Variants in CPEB4 observed in about 807,000 individuals in gnomAD.
The protein encoded by CPEB4 is cytoplasmic polyadenylation element binding protein 4, also known as cytoplasmic polyadenylation element-binding protein 4.
Under a neutral mutation model 72.5 loss-of-function variants are expected in CPEB4, and 12 were observed. That is an observed-to-expected ratio of 0.17 (90% CI 0.11 to 0.27). The LOEUF is 0.27. Ranked by LOEUF, CPEB4 falls within the 10% of genes least tolerant of loss-of-function variation. The probability of loss-of-function intolerance (pLI) is 1.00; values close to 1 mark genes in which losing one functional copy is unlikely to be tolerated. For missense variants in CPEB4, 614 were observed against 908.5 expected (o/e 0.68, Z 4.17); for synonymous variants, 302 against 326.3 (o/e 0.93, Z 0.80).
At chr5:173,944,864 A>G in intron 4 of CPEB4, 103 bp from the exon 5 acceptor site, 1 of 972,700 alleles carries the variant, frequency 1.0e-6, no homozygotes, top group Non-Finnish European at 1.6e-6. Flanking sequence ...AGAAAAATAA[A>G]AGCAGCAGTT....
rs778803889 is a variant in CPEB4, at chr5:173,949,483, A to G, written c.1457-25A>G. 6.1e-6 allele frequency: 9 copies of G among 1,485,238 alleles called. No individual in the cohort carries two copies. In the South Asian group the frequency reaches 1.1e-4, roughly 18 times the overall value. The allele number at this position is 1,485,238 out of a possible 1,614,324, so 92.0% of individuals were successfully genotyped here. ...AATGATCATAAAAATATTTAAATCT[A>G]CTGTTTTCCTTTGTTGTTTATTAGA... On this transcript the variant is annotated intron_variant, in intron 5 of 9. Transcript: ENST00000265085.
At chr5:173,953,728 T>C (rs927773788) in intron 9 of CPEB4, among the ~76,000 whole-genome samples, 1 of 21,828 alleles carries the variant, frequency 4.6e-5, no homozygotes, top group Non-Finnish European at 1.9e-4. Flanking sequence ...ACAGATTTCT[T>C]TTTTTTTTTT....
At chr5:173,924,015 G>A (rs1190410036) in intron 2 of CPEB4, among the ~76,000 whole-genome samples, 1 of 152,094 alleles carries the variant, frequency 6.6e-6, no homozygotes, top group Non-Finnish European at 1.5e-5. Flanking sequence ...GAAATTCTTA[G>A]ATGCTTTTAG....
chr5:173,930,368 A>C (rs1375395431), intron 2 of CPEB4, among the ~76,000 whole-genome samples: 1 of 152,060 alleles, frequency 6.6e-6, no homozygotes, highest in African/African-American at 2.4e-5. Context: ...CCATCCCCCA[A>C]GTTTTTAACA....
intron 3 of CPEB4, among the ~76,000 whole-genome samples, chr5:173,938,870 A>G (rs1158381970): frequency 2.6e-5 from 4 of 152,244 alleles, no homozygotes; most frequent in Non-Finnish European, 5.9e-5. Flanking sequence ...AAATATAGCA[A>G]TATAGCATAT....
intron 1 of CPEB4, among the ~76,000 whole-genome samples, chr5:173,894,586 A>C (rs895535907): frequency 6.9e-6 from 1 of 145,060 alleles, no homozygotes; most frequent in Admixed American, 7.1e-5. Flanking sequence ...ATGCCACTGC[A>C]CCCTAGCCTG....
At chr5:173,938,416 G>C (rs1375247582) in intron 3 of CPEB4, among the ~76,000 whole-genome samples, 3 of 152,128 alleles carry the variant, frequency 2.0e-5, no homozygotes, top group African/African-American at 7.2e-5. Context: ...AGTATAGACA[G>C]GGTTTTACCA....
chr5:173,906,779 ATTTCT>A (rs1441504627), intron 1 of CPEB4, among the ~76,000 whole-genome samples: 1 of 152,210 alleles, frequency 6.6e-6, no homozygotes, highest in Admixed American at 6.5e-5. Context: ...AGGGTGGAGA[ATTTCT>A]TTTCATTTCA....
At chr5:173,948,173 A>G (rs933408218) in intron 5 of CPEB4, among the ~76,000 whole-genome samples, 1 of 152,210 alleles carries the variant, frequency 6.6e-6, no homozygotes, top group East Asian at 1.9e-4. Context: ...ACTAACTAAT[A>G]TATGTAGAAG....
intron 2 of CPEB4, 32 bp downstream of exon 2, chr5:173,910,636 G>C (rs1225404930): frequency 1.5e-6 from 2 of 1,343,470 alleles, no homozygotes; most frequent in Non-Finnish European, 2.1e-6. Flanking sequence ...ATTGATTTCA[G>C]ACAATAGTTT....
At chr5:173,947,380 G>A (rs1234785744) in intron 5 of CPEB4, among the ~76,000 whole-genome samples, 2 of 152,102 alleles carry the variant, frequency 1.3e-5, no homozygotes, top group East Asian at 1.9e-4. Context: ...CAAGTGGAGG[G>A]GATGTGTATG....
At chr5:173,948,662 A>G (rs754994662) in intron 5 of CPEB4, among the ~76,000 whole-genome samples, 10 of 152,202 alleles carry the variant, frequency 6.6e-5, no homozygotes, top group Non-Finnish European at 1.3e-4. Flanking sequence ...TAAAAAAATA[A>G]CAGACTTGGT....
chr5:173,956,077 C>T lies in CPEB4; in HGVS notation c.2130C>T (p.His710=), dbSNP rs771783976. The part of the protein sequence containing the change: ...AIHSRAGREF[H]KPLVKEGGDR... ...ATTCTCGTGCTGGCAGGGAATTCCA[C>T]AAGCCCCTGGTGAAGGAAGGCGGTG... Residue 710 remains histidine (H), a synonymous_variant, in exon 10 of 10, where the codon CAC becomes CAT. Transcript: ENST00000265085. The T allele has an allele frequency of 2.5e-6, 4 of 1,614,136 alleles. No homozygotes were observed. Among genetic ancestry groups the T allele is most frequent in the South Asian group, 2.2e-5 (2 of 91,086 alleles).
intron 1 of CPEB4, among the ~76,000 whole-genome samples, chr5:173,895,877 A>C (rs933010832): frequency 6.6e-6 from 1 of 152,176 alleles, no homozygotes; most frequent in Non-Finnish European, 1.5e-5. Context: ...GAAGCCATGG[A>C]ATATGATCAG....
rs895551745 is a variant in CPEB4 at position 173,956,285 on chromosome 5, T to A, written c.*148T>A. On this transcript the variant is annotated 3_prime_UTR_variant, in exon 10 of 10. Transcript: ENST00000265085. ...GTATAATGAAAAGAATGACCTATAATATAGGTGTTTTGTAGATTCTTGTGT... is the reference window on the plus strand; with the variant it reads ...GTATAATGAAAAGAATGACCTATAAAATAGGTGTTTTGTAGATTCTTGTGT... The A allele has an allele frequency of 3.3e-6, 2 of 606,188 alleles. No individual in the cohort carries two copies. Among genetic ancestry groups the A allele is most frequent in the African/African-American group, 3.7e-5 (2 of 53,998 alleles). 37.6% of individuals were successfully genotyped at this position (606,188 alleles called of 1,614,324 possible). A position where few individuals can be genotyped will look rare whatever the true frequency, so the allele number is the denominator to read the frequency against.
In CPEB4 at chr5:173,890,355, C is replaced by G. The variant is rs1755764302; in HGVS notation, c.622C>G (p.Gln208Glu). 1 of 1,614,036 alleles carries G rather than the reference C, an allele frequency of 6.2e-7. No homozygotes were observed. Among genetic ancestry groups the G allele is most frequent in the Non-Finnish European group, 8.5e-7 (1 of 1,180,032 alleles). The change falls in exon 1 of 10, where the codon CAA becomes GAA. Residue 208 changes from glutamine (Q) to glutamate (E), a missense_variant. By Grantham distance (29) the Gln-to-Glu change is conservative. This residue lies in a region of CPEB4 where 458 missense variants were observed against 548.6 expected (regional missense o/e 0.83). Coordinates refer to ENST00000265085, the MANE Select transcript of CPEB4 (RefSeq NM_030627.4). ...ASANNGALLF[Q>E]NFPHHVSPGF... ...GGCTAATAACGGTGCTCTGTTGTTT[C>G]AAAATTTCCCCCATCATGTCAGCCC...
intron 1 of CPEB4, among the ~76,000 whole-genome samples, chr5:173,904,522 G>C (rs115586118): frequency 7.9e-4 from 121 of 152,250 alleles, no homozygotes; most frequent in Non-Finnish European, 1.4e-3. Flanking sequence ...AAATATAAAA[G>C]GTAATATTTG....
chr5:173,954,961 G>A (rs1392364024), intron 9 of CPEB4, among the ~76,000 whole-genome samples: 6 of 152,008 alleles, frequency 3.9e-5, no homozygotes, highest in Non-Finnish European at 7.4e-5. Flanking sequence ...TTTAGAGGGA[G>A]GGTCTCACTC....
In CPEB4 at chr5:173,889,888, A is replaced by T; in HGVS notation, c.155A>T (p.Asn52Ile). The change falls in exon 1 of 10, where the codon AAT becomes ATT. Residue 52 changes from asparagine (N) to isoleucine (I), a missense_variant. Physicochemically the swap from Asn to Ile is moderately radical, Grantham distance 149 (BLOSUM62 -3). Coordinates refer to ENST00000265085, the MANE Select transcript of CPEB4 (RefSeq NM_030627.4). ...AAFINNNTAA[N>I]GSSAGSAWLF... ...TTTATAAATAATAACACAGCTGCCA[A>T]TGGCAGCAGTGCTGGGTCAGCTTGG... 1 of 1,614,122 alleles carries T rather than the reference A, an allele frequency of 6.2e-7. No homozygotes were observed. The highest frequency in any genetic ancestry group is 8.5e-7 in the Non-Finnish European group (1 of 1,179,986).
Sources: allele counts gnomAD v4.1 joint callset (sites outside exome capture counted in the v4.1 genomes callset), GRCh38; gene constraint gnomAD v4.1.1; regional missense constraint gnomAD v4.1.1; transcripts MANE v1.5; gene names NCBI Gene and HGNC (gene_info 2026-07-23, HGNC 2026-07-21).